The following GPHN variants were observed in gnomAD, a reference collection of about 807,000 sequenced individuals.
GPHN encodes the protein gephyrin.
Under a neutral mutation model 95.5 loss-of-function variants are expected in GPHN, and 17 were observed. The ratio of observed to expected loss-of-function variants is 0.18; its 90% CI spans 0.12 to 0.27. GPHN has a LOEUF of 0.27. GPHN is among the 10% of genes least tolerant of loss of function. The pLI, the probability that GPHN is intolerant of heterozygous loss-of-function variation, is 1.00. For synonymous variants in GPHN, 320 were observed against 322.5 expected (o/e 0.99, Z 0.08); for missense variants, 660 against 978.1 (o/e 0.67, Z 4.34).
At chr14:67,139,004 C>T (rs1352801485) in intron 17 of GPHN, among the ~76,000 whole-genome samples, 1 of 148,392 alleles carries the variant, frequency 6.7e-6, no homozygotes, top group East Asian at 2.0e-4. Flanking sequence ...GGGCGGATCA[C>T]TTGAGGTCAG....
At chr14:67,616,216 C>CT in the GPHN span, 59,405 of 173,350 alleles carry the variant, frequency 0.34, 11,134 homozygotes, top group African/African-American at 0.61. Context: ...TGTACACTGT[C>CT]TTTTTTTTTT....
chr14:67,215,973 T>G, the GPHN span, among the ~76,000 whole-genome samples: 1 of 152,162 alleles, frequency 6.6e-6, no homozygotes, highest in Non-Finnish European at 1.5e-5. Flanking sequence ...TTTAAAAAAT[T>G]GATGAAAAAT....
chr14:66,810,192 A>G (rs1295383893), intron 3 of GPHN, among the ~76,000 whole-genome samples: 2 of 151,950 alleles, frequency 1.3e-5, no homozygotes, highest in Non-Finnish European at 2.9e-5. Flanking sequence ...AAATACATGT[A>G]ATTTATATAG....
chr14:67,031,620 A>G (rs900835817), intron 10 of GPHN, among the ~76,000 whole-genome samples: 3 of 152,094 alleles, frequency 2.0e-5, no homozygotes, highest in African/African-American at 7.2e-5. Flanking sequence ...AAAAGAAAAA[A>G]ATATTTTAGA....
At chr14:67,028,411 A>G (rs2074030362) in intron 10 of GPHN, among the ~76,000 whole-genome samples, 2 of 152,120 alleles carry the variant, frequency 1.3e-5, no homozygotes, top group African/African-American at 4.8e-5. Context: ...GTTATATGGT[A>G]GTTCTATTTG....
intron 13 of GPHN, among the ~76,000 whole-genome samples, chr14:67,102,780 G>A (rs1267683448): frequency 6.6e-6 from 1 of 152,196 alleles, no homozygotes; most frequent in African/African-American, 2.4e-5. Flanking sequence ...GGCTTAGCAT[G>A]GACTAACACT....
At chr14:67,333,975 G>C in the GPHN span, 2 of 152,538 alleles carry the variant, frequency 1.3e-5, no homozygotes, top group Non-Finnish European at 2.9e-5. Flanking sequence ...TATAGCTGCT[G>C]TACTGTATAT....
intron 1 of GPHN, among the ~76,000 whole-genome samples, chr14:66,540,952 T>G (rs1488519859): frequency 6.6e-6 from 1 of 151,718 alleles, no homozygotes; most frequent in East Asian, 1.9e-4. Context: ...TTTTTTTTCT[T>G]TTTTTCCTTT....
intron 3 of GPHN, among the ~76,000 whole-genome samples, chr14:66,784,496 A>G (rs2059706246): frequency 1.3e-5 from 2 of 152,178 alleles, no homozygotes; most frequent in South Asian, 4.1e-4. Flanking sequence ...AATACAATAG[A>G]TTGTATTTTC....
chr14:67,565,609 A>C, the GPHN span, among the ~76,000 whole-genome samples: 1 of 152,184 alleles, frequency 6.6e-6, no homozygotes, highest in Non-Finnish European at 1.5e-5. Context: ...GGACATTGCC[A>C]GAGCTAAGGT....
intron 4 of GPHN, among the ~76,000 whole-genome samples, chr14:66,873,433 G>A (rs1463715811): frequency 6.6e-6 from 1 of 152,186 alleles, no homozygotes; most frequent in Non-Finnish European, 1.5e-5. Flanking sequence ...CCCCTGGAAA[G>A]GGGGCTGAAG....
intron 8 of GPHN, among the ~76,000 whole-genome samples, chr14:66,945,294 G>C (rs1003458089): frequency 4.6e-5 from 7 of 152,204 alleles, no homozygotes; most frequent in Non-Finnish European, 8.8e-5. Flanking sequence ...AAGAGCCCAG[G>C]CTCCTCCCCA....
chr14:67,014,557 T>C (rs1397174184), intron 9 of GPHN, among the ~76,000 whole-genome samples: 1 of 152,190 alleles, frequency 6.6e-6, no homozygotes, highest in Non-Finnish European at 1.5e-5. Flanking sequence ...ATGATTGTCA[T>C]TGTTAGGTTA....
the GPHN span, among the ~76,000 whole-genome samples, chr14:67,204,062 A>G: frequency 2.0e-5 from 3 of 152,120 alleles, no homozygotes; most frequent in African/African-American, 7.2e-5. Flanking sequence ...TTAAGATGAG[A>G]TGGTTCTCAG....
At chr14:67,278,020 G>A in the GPHN span, among the ~76,000 whole-genome samples, 1 of 150,864 alleles carries the variant, frequency 6.6e-6, no homozygotes, top group Admixed American at 6.6e-5. Flanking sequence ...TGTAATTCTT[G>A]TAGAGTTAAC....
At chr14:67,465,050 G>T in the GPHN span, among the ~76,000 whole-genome samples, 2 of 152,212 alleles carry the variant, frequency 1.3e-5, no homozygotes, top group Admixed American at 6.5e-5. Flanking sequence ...CAGGCCTAGC[G>T]CAGGGAGGTC....
chr14:67,476,344 TGA>T, the GPHN span, among the ~76,000 whole-genome samples: 16 of 152,292 alleles, frequency 1.1e-4, no homozygotes, highest in African/African-American at 2.9e-4. Context: ...CCCAGAACTG[TGA>T]GAGGCTGAGG....
At chr14:67,045,653 G>A (rs1337669979) in intron 10 of GPHN, among the ~76,000 whole-genome samples, 1 of 142,478 alleles carries the variant, frequency 7.0e-6, no homozygotes, top group Admixed American at 7.0e-5. Context: ...CTCTGCCTCT[G>A]TCTCTCTCTC....
At chr14:67,615,859 G>A in the GPHN span, 9 of 619,900 alleles carry the variant, frequency 1.5e-5, no homozygotes, top group Non-Finnish European at 2.4e-5. Flanking sequence ...GTGATTCGGC[G>A]AAGAAACTGG....
Sources: allele counts gnomAD v4.1 joint callset (sites outside exome capture counted in the v4.1 genomes callset), GRCh38; gene constraint gnomAD v4.1.1; transcripts MANE v1.5; gene names NCBI Gene and HGNC (gene_info 2026-07-23, HGNC 2026-07-21).